The following TMPRSS6 variants were observed in gnomAD, a reference collection of about 807,000 sequenced individuals.
TMPRSS6 encodes transmembrane serine protease 6.
A neutral mutation model predicts 101.5 loss-of-function variants in TMPRSS6; 67 were observed. The ratio of observed to expected loss-of-function variants is 0.66; its 90% CI spans 0.54 to 0.81. TMPRSS6 has a LOEUF of 0.81. Among genes scored for constraint, TMPRSS6 ranks in the 30% least tolerant of loss-of-function variants. TMPRSS6 has a pLI of 0.00. For missense variants in TMPRSS6, 1,034 were observed against 1,088.7 expected (o/e 0.95, Z 0.71); for synonymous variants, 453 against 464.9 (o/e 0.97, Z 0.33).
rs749337810 is a variant in TMPRSS6, at chr22:37,070,986, G to C, written c.1602C>G (p.Cys534Trp). 1 of 1,613,060 alleles carries C rather than the reference G, an allele frequency of 6.2e-7. No individual in the cohort carries two copies. Among genetic ancestry groups the C allele is most frequent in the Non-Finnish European group, 8.5e-7 (1 of 1,179,936 alleles). The change falls in exon 14 of 18, where the codon TGC becomes TGG. Residue 534 changes from cysteine to tryptophan, a missense_variant. Coordinates refer to ENST00000676104, the MANE Select transcript of TMPRSS6 (RefSeq NM_001374504.1). ...TFTFQCEDRS[C>W]VKKPNPQCDG... Reference sequence around the variant, plus strand: ...CACACTGCGGGTTGGGCTTCTTCACGCAGCTCCGGTCCTCACACTGGAAGG... The same window carrying C: ...CACACTGCGGGTTGGGCTTCTTCACCCAGCTCCGGTCCTCACACTGGAAGG...
chr22:37,102,244 C>T (rs1360377453), intron 2 of TMPRSS6, among the ~76,000 whole-genome samples: 2 of 152,252 alleles, frequency 1.3e-5, no homozygotes, highest in Non-Finnish European at 2.9e-5. Flanking sequence ...GGCTTCCCAG[C>T]CCTCAGCTTC....
intron 16 of TMPRSS6, 90 bp from the exon 17 acceptor site, chr22:37,067,052 G>A (rs1926368714): frequency 1.9e-6 from 3 of 1,585,810 alleles, no homozygotes; most frequent in Middle Eastern, 1.7e-4. Context: ...TGCATCTCAG[G>A]AGCCTACTTC....
chr22:37,096,503 A>T, intron 4 of TMPRSS6, 145 bp downstream of exon 4: 1 of 857,982 alleles, frequency 1.2e-6, no homozygotes, highest in Admixed American at 2.0e-5. Context: ...AGGGAGGGTG[A>T]CATGCAGGAA....
At chr22:37,106,938 C>G (rs1466158972) in intron 1 of TMPRSS6, among the ~76,000 whole-genome samples, 2 of 152,242 alleles carry the variant, frequency 1.3e-5, no homozygotes, top group Non-Finnish European at 1.5e-5. Flanking sequence ...CTGGGCAGCC[C>G]TTGATCAGAT....
rs142718102 is a variant in TMPRSS6 at position 37,108,944 on chromosome 22, A to G, written c.-2+559T>C. On this transcript the variant is annotated intron_variant, in intron 1 of 17. Coordinates refer to ENST00000676104, the MANE Select transcript of TMPRSS6 (RefSeq NM_001374504.1). ...CTCACAGACCCACAGATGTACACAG[A>G]TGGAGACACGCGGAGGGATATACGC... is the stretch of plus-strand genomic sequence containing the variant. Among the ~76,000 whole-genome samples, 553 of 152,286 alleles carry G rather than the reference A, an allele frequency of 3.6e-3. 5 individuals are homozygous for G. The highest frequency in any genetic ancestry group is 0.013 in the African/African-American group (528 of 41,534).
At chr22:37,106,706 TATC>T (rs1172572744) in intron 1 of TMPRSS6, among the ~76,000 whole-genome samples, 1 of 152,074 alleles carries the variant, frequency 6.6e-6, no homozygotes, top group African/African-American at 2.4e-5. Context: ...CCCAGCCACT[TATC>T]ATCCAAACCC....
At chr22:37,070,740 A>C in intron 14 of TMPRSS6, 88 bp from the exon 15 acceptor site, 1 of 1,456,796 alleles carries the variant, frequency 6.9e-7, no homozygotes, top group Non-Finnish European at 9.5e-7. Flanking sequence ...AAAGAGATGG[A>C]GAGACAGAGA....
chr22:37,097,137 C>T (rs921404245), intron 3 of TMPRSS6, among the ~76,000 whole-genome samples: 16 of 152,200 alleles, frequency 1.1e-4, no homozygotes, highest in Admixed American at 2.0e-4. Flanking sequence ...TAAGCATTTG[C>T]GCAGCGTGGG....
At chr22:37,110,293 C>T (rs1930980307), upstream of TMPRSS6, among the ~76,000 whole-genome samples, 1 of 151,722 alleles carries the variant, frequency 6.6e-6, no homozygotes, top group South Asian at 2.1e-4. Flanking sequence ...ACAGCGCCCA[C>T]CACCATGCCC....
rs752212126 is a variant in TMPRSS6, at chr22:37,086,265, G to T, written c.973+18C>A. ...TACCACCACCCCTCCCCTGCCCCAG[G>T]GACCCCTGACCTCTCACCCTGGAAG... is the stretch of plus-strand genomic sequence containing the variant. On this transcript the variant is annotated intron_variant, in intron 8 of 17. Transcript: ENST00000676104. 6.2e-7 allele frequency: 1 copy of T among 1,613,696 alleles called. No individual in the cohort carries two copies. Among genetic ancestry groups the T allele is most frequent in the African/African-American group, 1.3e-5 (1 of 74,796 alleles).
rs199622201 is a variant in TMPRSS6 at position 37,103,361 on chromosome 22, G to C, written c.57C>G (p.Gly19=). The change falls in exon 2 of 18, where the codon GGC becomes GGG. Residue 19 remains glycine (G), a synonymous_variant. Coordinates refer to ENST00000676104, the MANE Select transcript of TMPRSS6 (RefSeq NM_001374504.1). This position sits in a 1 kb window ranked among gnomAD's most constrained non-coding sequence, Gnocchi z 4.4. ...VAGGQGDGGD[G]EEAEPEGMFK... is the part of the protein sequence containing the mutation. ...ACATCCCCTCCGGCTCCGCTTCCTC[G>C]CCATCACCTCCGTCCCCCTGCCCGC... 6.2e-7 allele frequency: 1 copy of C among 1,614,120 alleles called. No homozygotes were observed. Among genetic ancestry groups the C allele is most frequent in the South Asian group, 1.1e-5 (1 of 91,066 alleles).
intron 2 of TMPRSS6, among the ~76,000 whole-genome samples, chr22:37,102,609 C>T (rs928093840): frequency 9.2e-5 from 14 of 152,178 alleles, no homozygotes; most frequent in African/African-American, 3.4e-4. Flanking sequence ...TGACTGAGGG[C>T]TGTGACATCA....
chr22:37,095,409 C>G, intron 6 of TMPRSS6, 142 bp downstream of exon 6: 2 of 1,036,796 alleles, frequency 1.9e-6, no homozygotes, highest in Non-Finnish European at 2.9e-6. Context: ...ATCGCTGAGT[C>G]CACCATGGCA....
chr22:37,074,546 A>G, intron 12 of TMPRSS6, 64 bp downstream of exon 12: 1 of 1,476,152 alleles, frequency 6.8e-7, no homozygotes, highest in South Asian at 1.2e-5. Context: ...AGCTCAGAGC[A>G]GGAAAGGTGA....
At chr22:37,072,788 CGGATGGATGATGGATGGAT>C (rs1927215721) in intron 13 of TMPRSS6, among the ~76,000 whole-genome samples, 7 of 50,540 alleles carry the variant, frequency 1.4e-4, no homozygotes, top group Admixed American at 1.1e-3. Context: ...GGATGATGGA[CGGATGGATGATGGATGGAT>C]GGATGGATGA....
At chr22:37,072,835 G>A (rs991194422) in intron 13 of TMPRSS6, among the ~76,000 whole-genome samples, 51 of 138,008 alleles carry the variant, frequency 3.7e-4, no homozygotes, top group Admixed American at 2.1e-4. Context: ...ATGGATAGAC[G>A]GATGATGGAT....
At position 37,066,072 on chromosome 22, in the gene TMPRSS6, G is replaced by A. The variant is rs1251671702; in HGVS notation, c.*8C>T. 8.1e-6 allele frequency: 13 copies of A among 1,613,508 alleles called. No individual in the cohort carries two copies. The highest frequency in any genetic ancestry group is 1.1e-5 in the South Asian group (1 of 91,074). On this transcript the variant is annotated 3_prime_UTR_variant, in exon 18 of 18. Coordinates refer to ENST00000676104, the MANE Select transcript of TMPRSS6 (RefSeq NM_001374504.1). ...GAGGTGGGCCCTGCTTTGCAGGGGG[G>A]CAGTTCCTCAGGTCACCACTTGCTG...
Position 37,108,998 on chromosome 22 carries a change from G to A in TMPRSS6, c.-2+505C>T, listed in dbSNP as rs560270128. Among the ~76,000 whole-genome samples, 4 of 152,246 alleles carry A rather than the reference G, an allele frequency of 2.6e-5. No homozygotes were observed. The South Asian group carries it at 8.3e-4, about 32-fold the overall frequency. Reference sequence around the variant, plus strand: ...TCTATTCATGACACAAAAATTCATAGATGCACGCCCTTCCTACACAGACAC... The same window carrying A: ...TCTATTCATGACACAAAAATTCATAAATGCACGCCCTTCCTACACAGACAC... On this transcript the variant is annotated intron_variant, in intron 1 of 17. Coordinates refer to ENST00000676104, the MANE Select transcript of TMPRSS6 (RefSeq NM_001374504.1).
chr22:37,082,630 A>G (rs1311156794), intron 10 of TMPRSS6: 7 of 226,014 alleles, frequency 3.1e-5, no homozygotes, highest in Non-Finnish European at 5.3e-5. Flanking sequence ...TGCCCCCATC[A>G]TGCTACAGAA....
Sources: gnomAD v4.1 joint callset for allele counts (sites outside exome capture counted in the v4.1 genomes callset) on GRCh38, gnomAD v4.1.1 for gene constraint, Gnocchi (gnomAD v3.1) non-coding constraint, MANE v1.5 for transcripts, NCBI Gene and HGNC (gene_info 2026-07-23, HGNC 2026-07-21) for gene names.